Variants in BMAL1 observed in about 807,000 individuals in gnomAD.
BMAL1 encodes basic helix-loop-helix ARNT-like protein 1.
the BMAL1 span, among the ~76,000 whole-genome samples, chr11:13,324,473 A>C: frequency 1.3e-5 from 2 of 150,812 alleles, no homozygotes. Flanking sequence ...TCTCACCTTC[A>C]CTCCACGCTG....
chr11:13,336,868 T>C, the BMAL1 span, among the ~76,000 whole-genome samples: 1 of 152,234 alleles, frequency 6.6e-6, no homozygotes, highest in Non-Finnish European at 1.5e-5. Context: ...TTCCCAAGGC[T>C]TTCATCTAGG....
the BMAL1 span, chr11:13,372,053 AT>A: frequency 1.4e-4 from 195 of 1,422,146 alleles, no homozygotes; most frequent in African/African-American, 4.3e-4. Flanking sequence ...TGAAGCCTTG[AT>A]TTTTTTTTAT....
chr11:13,376,775 C>T, the BMAL1 span: 2 of 1,568,322 alleles, frequency 1.3e-6, no homozygotes, highest in Non-Finnish European at 1.7e-6. Context: ...TGGGAAGGTG[C>T]TTGTGGTCAA....
chr11:13,337,275 T>A, the BMAL1 span, among the ~76,000 whole-genome samples: 2 of 152,226 alleles, frequency 1.3e-5, no homozygotes, highest in Admixed American at 1.3e-4. Flanking sequence ...CTGGTGAATT[T>A]TTTTTTGTCT....
chr11:13,360,315 AT>A, the BMAL1 span: 1 of 1,582,238 alleles, frequency 6.3e-7, no homozygotes, highest in Non-Finnish European at 8.7e-7. Context: ...AATATCAAGT[AT>A]ACCAATTCTT....
At chr11:13,333,454 T>G in the BMAL1 span, among the ~76,000 whole-genome samples, 3 of 152,236 alleles carry the variant, frequency 2.0e-5, no homozygotes, top group Non-Finnish European at 4.4e-5. Context: ...CTGAGAGCAT[T>G]AAGTAAAAGT....
At chr11:13,348,740 C>T in the BMAL1 span, among the ~76,000 whole-genome samples, 1 of 152,154 alleles carries the variant, frequency 6.6e-6, no homozygotes, top group Admixed American at 6.5e-5. Context: ...TGCATGTGCC[C>T]AGACTGGGGT....
chr11:13,365,282 AAC>A, the BMAL1 span: 13,604 of 182,328 alleles, frequency 0.075, 401 homozygotes, highest in East Asian at 0.24. Flanking sequence ...GATATGCAGA[AAC>A]ACACACACAC....
the BMAL1 span, among the ~76,000 whole-genome samples, chr11:13,373,372 GAGAC>G: frequency 6.6e-6 from 1 of 152,188 alleles, no homozygotes; most frequent in African/African-American, 2.4e-5. Context: ...GCTGGAAAAA[GAGAC>G]AGCCTCAGCT....
At chr11:13,371,998 T>C in the BMAL1 span, among the ~76,000 whole-genome samples, 7 of 152,278 alleles carry the variant, frequency 4.6e-5, no homozygotes, top group African/African-American at 1.7e-4. Context: ...ACAGTTTGTT[T>C]CTCTTTCCGT....
the BMAL1 span, among the ~76,000 whole-genome samples, chr11:13,329,518 G>C: frequency 6.6e-6 from 1 of 152,120 alleles, no homozygotes; most frequent in African/African-American, 2.4e-5. Context: ...GTGGGAGGTG[G>C]GGGGTGATTA....
At chr11:13,319,970 T>TC in the BMAL1 span, among the ~76,000 whole-genome samples, 1 of 152,210 alleles carries the variant, frequency 6.6e-6, no homozygotes, top group Non-Finnish European at 1.5e-5. Flanking sequence ...TTTACTGAGC[T>TC]AGATGAGGAA....
chr11:13,317,957 A>G, the BMAL1 span, among the ~76,000 whole-genome samples: 2 of 152,262 alleles, frequency 1.3e-5, no homozygotes, highest in African/African-American at 4.8e-5. Flanking sequence ...AGTGGCCAAC[A>G]TTTAAAAATG....
At chr11:13,335,985 A>G in the BMAL1 span, among the ~76,000 whole-genome samples, 1 of 150,560 alleles carries the variant, frequency 6.6e-6, no homozygotes, top group African/African-American at 2.5e-5. Flanking sequence ...ATTTTTGACA[A>G]TATGAAAGAG....
At chr11:13,353,960 C>G in the BMAL1 span, among the ~76,000 whole-genome samples, 7 of 152,200 alleles carry the variant, frequency 4.6e-5, no homozygotes, top group South Asian at 6.2e-4. Context: ...GTTTTCACTT[C>G]TAGAGTTTCT....
chr11:13,283,387 G>A, the BMAL1 span, among the ~76,000 whole-genome samples: 1 of 152,130 alleles, frequency 6.6e-6, no homozygotes, highest in Non-Finnish European at 1.5e-5. Context: ...CACTTTCTAT[G>A]TGCCAGCACA....
the BMAL1 span, among the ~76,000 whole-genome samples, chr11:13,340,839 C>A: frequency 6.6e-6 from 1 of 152,218 alleles, no homozygotes; most frequent in Non-Finnish European, 1.5e-5. Context: ...ACTTCCATGG[C>A]CATAGTGGAC....
the BMAL1 span, among the ~76,000 whole-genome samples, chr11:13,298,631 A>G: frequency 9.0e-4 from 137 of 152,168 alleles, no homozygotes; most frequent in Non-Finnish European, 1.7e-3. Flanking sequence ...GCCTGGCAGT[A>G]GGGGTTCAGT....
At chr11:13,316,326 T>G in the BMAL1 span, among the ~76,000 whole-genome samples, 1 of 152,190 alleles carries the variant, frequency 6.6e-6, no homozygotes, top group Non-Finnish European at 1.5e-5. Flanking sequence ...TGTGTGCATG[T>G]GTGTGTGGAT....
Sources: gnomAD v4.1 joint callset for allele counts (sites outside exome capture counted in the v4.1 genomes callset) on GRCh38, gnomAD v4.1.1 for gene constraint, MANE v1.5 for transcripts, NCBI Gene and HGNC (gene_info 2026-07-23, HGNC 2026-07-21) for gene names.